Variants in RGS17 observed in about 807,000 individuals in gnomAD.
RGS17 encodes regulator of G-protein signaling 17.
In RGS17, 12 loss-of-function variants were observed where a neutral mutation model predicts 25.5. That is an observed-to-expected ratio of 0.47 (90% confidence interval 0.30 to 0.76). The LOEUF (loss-of-function observed/expected upper bound fraction) is 0.76. RGS17 is among the 30% of genes least tolerant of loss of function. The probability of loss-of-function intolerance (pLI) is 0.07; values close to 1 mark genes in which losing one functional copy is unlikely to be tolerated. For synonymous variants in RGS17, 71 were observed against 76.9 expected (o/e 0.92, Z 0.40); for missense variants, 196 against 242.2 (o/e 0.81, Z 1.27).
At chr6:153,054,087 ATTTTT>A (rs200350990) in intron 1 of RGS17, among the ~76,000 whole-genome samples, 2 of 39,274 alleles carry the variant, frequency 5.1e-5, no homozygotes, top group Non-Finnish European at 9.2e-5. Context: ...TACACACAAT[ATTTTT>A]TATATATATA....
At chr6:153,069,069 G>C (rs1776746385) in intron 1 of RGS17, among the ~76,000 whole-genome samples, 1 of 152,180 alleles carries the variant, frequency 6.6e-6, no homozygotes, top group African/African-American at 2.4e-5. Context: ...ACTAAAAGTA[G>C]AGCTACCATA....
intron 1 of RGS17, among the ~76,000 whole-genome samples, chr6:153,116,130 C>A (rs1487391861): frequency 6.6e-6 from 1 of 152,132 alleles, no homozygotes; most frequent in Admixed American, 6.5e-5. Context: ...TCAGAGTGAA[C>A]AGGCAACCTA....
At chr6:153,012,928 G>T (rs1779148641) in intron 4 of RGS17, among the ~76,000 whole-genome samples, 1 of 152,016 alleles carries the variant, frequency 6.6e-6, no homozygotes, top group South Asian at 2.1e-4. Context: ...GACCTCAACA[G>T]ACCACGTGGA....
chr6:153,023,980 T>C, intron 4 of RGS17, among the ~76,000 whole-genome samples: 1 of 152,218 alleles, frequency 6.6e-6, no homozygotes, highest in Non-Finnish European at 1.5e-5. Flanking sequence ...TCCATTTTCG[T>C]TTGTCACAGC....
chr6:153,095,373 A>G (rs1304103494), intron 1 of RGS17, among the ~76,000 whole-genome samples: 7 of 152,130 alleles, frequency 4.6e-5, no homozygotes, highest in East Asian at 1.9e-4. Flanking sequence ...TAAAATAGGA[A>G]AAACATTTCT....
rs1021141207 is a variant in RGS17, at chr6:153,009,204, A to G, written c.*2370T>C. 3 of 152,132 alleles carry G rather than the reference A, an allele frequency of 2.0e-5. No homozygotes were observed. Among genetic ancestry groups the G allele is most frequent in the Non-Finnish European group, 4.4e-5 (3 of 67,962 alleles). The allele number at this position is 152,132 out of a possible 1,614,324, so 9.4% of individuals were successfully genotyped here. On this transcript the variant is annotated 3_prime_UTR_variant, in exon 5 of 5. Transcript: ENST00000206262. ...TAGTCCAAAGTATCTTATAAAGATA[A>G]CTTATGACTAGCAGGTCACCATCAT... is the stretch of plus-strand genomic sequence containing the variant.
intron 1 of RGS17, among the ~76,000 whole-genome samples, chr6:153,111,907 T>A (rs1410536564): frequency 1.3e-5 from 2 of 151,978 alleles, no homozygotes; most frequent in Non-Finnish European, 2.9e-5. Flanking sequence ...AAAAAGGACG[T>A]CCACACAAAC....
At chr6:153,100,800 A>G (rs1777291681) in intron 1 of RGS17, among the ~76,000 whole-genome samples, 1 of 152,194 alleles carries the variant, frequency 6.6e-6, no homozygotes. Flanking sequence ...GAAGGTGTAA[A>G]CAGACCGTAA....
chr6:153,086,413 A>C (rs558837044), intron 1 of RGS17, among the ~76,000 whole-genome samples: 1 of 152,328 alleles, frequency 6.6e-6, no homozygotes, highest in East Asian at 1.9e-4. Flanking sequence ...CCTGCCCGTA[A>C]GTTATGCTGA....
chr6:153,032,968 A>T (rs536869529), intron 2 of RGS17, among the ~76,000 whole-genome samples: 258 of 152,378 alleles, frequency 1.7e-3, no homozygotes, highest in African/African-American at 6.0e-3. Context: ...AATAGGTAGG[A>T]AATATTTTTA....
chr6:153,070,132 C>T (rs140084769), intron 1 of RGS17, among the ~76,000 whole-genome samples: 9 of 152,234 alleles, frequency 5.9e-5, no homozygotes, highest in African/African-American at 2.2e-4. Context: ...AAAGGCTCTA[C>T]TCAGCAGCCC....
At chr6:153,084,661 T>C in intron 1 of RGS17, among the ~76,000 whole-genome samples, 1 of 152,178 alleles carries the variant, frequency 6.6e-6, no homozygotes, top group East Asian at 1.9e-4. Flanking sequence ...GAATACAGTC[T>C]CAAGGAGAGG....
intron 1 of RGS17, among the ~76,000 whole-genome samples, chr6:153,124,371 A>C (rs1401848575): frequency 6.6e-6 from 1 of 152,218 alleles, no homozygotes; most frequent in Non-Finnish European, 1.5e-5. Context: ...AAAGGATAAC[A>C]CACGAAATAC....
intron 2 of RGS17, among the ~76,000 whole-genome samples, chr6:153,041,480 C>CTAA (rs1294287927): frequency 6.6e-6 from 1 of 152,094 alleles, no homozygotes; most frequent in Admixed American, 6.5e-5. Context: ...TGCTCATGTG[C>CTAA]TAATGTTAAA....
intron 1 of RGS17, among the ~76,000 whole-genome samples, chr6:153,123,640 T>C (rs1211063944): frequency 6.6e-6 from 1 of 152,126 alleles, no homozygotes; most frequent in African/African-American, 2.4e-5. Flanking sequence ...AAACTGAGGA[T>C]TCTGGGGTTT....
intron 1 of RGS17, among the ~76,000 whole-genome samples, chr6:153,097,940 C>G (rs1777242585): frequency 6.6e-6 from 1 of 152,098 alleles, no homozygotes; most frequent in South Asian, 2.1e-4. Flanking sequence ...CCCCTTTCTA[C>G]CACTGTTCAA....
chr6:153,130,569 C>T lies in RGS17; in HGVS notation c.-26+555G>A, dbSNP rs549753185. On this transcript the variant is annotated intron_variant, in intron 1 of 4. Transcript: ENST00000206262. This position sits in a 1 kb window ranked among gnomAD's most constrained non-coding sequence, Gnocchi z 6.4. ...TTTTCGCAACCTCTTCTTCGAACAC[C>T]TTCCCCACCTGAGCAGTGCATTTTC... 6.6e-6 allele frequency among the ~76,000 whole-genome samples: 1 copy of T among 152,310 alleles called. No homozygotes were observed. Among genetic ancestry groups the T allele is most frequent in the South Asian group, 2.1e-4 (1 of 4,830 alleles).
chr6:153,098,669 A>ACCC (rs1777252939), intron 1 of RGS17, among the ~76,000 whole-genome samples: 1 of 152,200 alleles, frequency 6.6e-6, no homozygotes, highest in Non-Finnish European at 1.5e-5. Flanking sequence ...CAAAGTAAAC[A>ACCC]GGGTTTAATC....
intron 1 of RGS17, among the ~76,000 whole-genome samples, chr6:153,054,116 G>A (rs7450260): frequency 0.52 from 19,890 of 38,050 alleles, 5,492 homozygotes; most frequent in East Asian, 0.81. Flanking sequence ...ATATATATGT[G>A]TATATATATA....
Sources: gnomAD v4.1 joint callset for allele counts (sites outside exome capture counted in the v4.1 genomes callset) on GRCh38, gnomAD v4.1.1 for gene constraint, Gnocchi (gnomAD v3.1) non-coding constraint, MANE v1.5 for transcripts, NCBI Gene and HGNC (gene_info 2026-07-23, HGNC 2026-07-21) for gene names.